The following C3orf52 variants were observed in gnomAD, a reference collection of about 807,000 sequenced individuals.
The protein encoded by C3orf52 is TPA-induced transmembrane protein.
A neutral mutation model predicts 24.8 loss-of-function variants in C3orf52; 22 were observed. The ratio of observed to expected loss-of-function variants is 0.89; its 90% CI spans 0.63 to 1.27. C3orf52 has a LOEUF of 1.27. Among genes scored for constraint, C3orf52 ranks in the 50% most tolerant of loss-of-function variants. C3orf52 has a pLI of 0.00. For synonymous variants in C3orf52, 93 were observed against 100.2 expected (o/e 0.93, Z 0.43); for missense variants, 265 against 260.7 (o/e 1.02, Z -0.11).
At chr3:112,108,123 A>G (rs910857839) in intron 3 of C3orf52, among the ~76,000 whole-genome samples, 3 of 152,234 alleles carry the variant, frequency 2.0e-5, no homozygotes, top group African/African-American at 7.2e-5. Flanking sequence ...ATCAACAACT[A>G]GTATCCAGAA....
At chr3:112,133,290 G>A (rs1240564644), downstream of C3orf52, 1 of 697,210 alleles carries the variant, frequency 1.4e-6, no homozygotes, top group Non-Finnish European at 2.5e-6. Context: ...AAGAGGCTGG[G>A]GGAGGAGTGT....
intron 1 of C3orf52, among the ~76,000 whole-genome samples, chr3:112,088,721 T>C (rs1490820843): frequency 3.9e-5 from 6 of 152,238 alleles, no homozygotes; most frequent in African/African-American, 1.4e-4. Context: ...ATGTTATATA[T>C]AATTTATACT....
chr3:112,127,712 G>A (rs930555873), intron 4 of C3orf52, among the ~76,000 whole-genome samples: 2 of 152,200 alleles, frequency 1.3e-5, no homozygotes, highest in African/African-American at 2.4e-5. Context: ...ATAGAAATGT[G>A]TGCTTCGGAA....
At chr3:112,118,723 G>GA (rs2074161883), downstream of C3orf52, among the ~76,000 whole-genome samples, 1 of 152,138 alleles carries the variant, frequency 6.6e-6, no homozygotes, top group Non-Finnish European at 1.5e-5. Context: ...AAATCTACTG[G>GA]TCATCACACA....
intron 2 of C3orf52, among the ~76,000 whole-genome samples, chr3:112,102,100 C>T (rs536723670): frequency 8.0e-5 from 12 of 150,772 alleles, no homozygotes; most frequent in Non-Finnish European, 1.5e-4. Flanking sequence ...CATACCTGTC[C>T]TGTGAGACAT....
chr3:112,116,764 C>T lies in C3orf52; in HGVS notation c.*118C>T. ...GATTAATACAGAAGCACCAGCAACA[C>T]CAGAGGGGTGGAGACTCCTTTCTCT... is the stretch of plus-strand genomic sequence containing the variant. On this transcript the variant is annotated 3_prime_UTR_variant, in exon 6 of 6. Coordinates refer to ENST00000264848, the MANE Select transcript of C3orf52 (RefSeq NM_024616.3). 2 of 1,548,226 alleles carry T rather than the reference C, an allele frequency of 1.3e-6. No homozygotes were observed. Among genetic ancestry groups the T allele is most frequent in the Non-Finnish European group, 1.7e-6 (2 of 1,147,166 alleles).
downstream of C3orf52, among the ~76,000 whole-genome samples, chr3:112,119,124 T>C (rs2074165668): frequency 6.6e-6 from 1 of 152,148 alleles, no homozygotes; most frequent in Admixed American, 6.5e-5. Flanking sequence ...GGCTCAAGCC[T>C]GTAATCCCAG....
chr3:112,125,351 A>T (rs1240286586), intron 4 of C3orf52: 1 of 836,820 alleles, frequency 1.2e-6, no homozygotes, highest in Non-Finnish European at 2.0e-6. Context: ...AAAAGCCAAG[A>T]AACAGCTGGG....
chr3:112,116,650 G>A lies in C3orf52; in HGVS notation c.*4G>A. 4 of 1,585,936 alleles carry A rather than the reference G, an allele frequency of 2.5e-6. No homozygotes were observed. The highest frequency in any genetic ancestry group is 3.4e-6 in the Non-Finnish European group (4 of 1,163,196). On this transcript the variant is annotated 3_prime_UTR_variant, in exon 6 of 6. Coordinates refer to ENST00000264848, the MANE Select transcript of C3orf52 (RefSeq NM_024616.3). ...CTGTGTTTTCTTTTTAGAATGAAGTGATGGAGGCTGGTCTCTGTCTGAAAG... is the reference window on the plus strand; with the variant it reads ...CTGTGTTTTCTTTTTAGAATGAAGTAATGGAGGCTGGTCTCTGTCTGAAAG...
At chr3:112,109,737 A>G (rs945537933) in intron 4 of C3orf52, 124 bp downstream of exon 4, 9 of 607,850 alleles carry the variant, frequency 1.5e-5, no homozygotes, top group Admixed American at 1.1e-4. Flanking sequence ...CCTGTAATAG[A>G]ATCACAGAAT....
intron 4 of C3orf52, chr3:112,111,924 T>A (rs1332766279): frequency 6.6e-6 from 1 of 152,206 alleles, no homozygotes; most frequent in African/African-American, 2.4e-5. Context: ...TAGTAGAGTT[T>A]ATAAGCTCAA....
intron 2 of C3orf52, among the ~76,000 whole-genome samples, chr3:112,101,965 C>T (rs1476139840): frequency 6.6e-6 from 1 of 152,108 alleles, no homozygotes; most frequent in African/African-American, 2.4e-5. Flanking sequence ...ACTTAAAAAT[C>T]AATTAGATGG....
downstream of C3orf52, chr3:112,119,566 C>T: frequency 1.4e-6 from 1 of 702,234 alleles, no homozygotes; most frequent in Non-Finnish European, 2.6e-6. Flanking sequence ...GGATGAGGTA[C>T]ATATTCTCTC....
At chr3:112,133,429 G>T (rs1490225136), downstream of C3orf52, 1 of 341,608 alleles carries the variant, frequency 2.9e-6, no homozygotes, top group Non-Finnish European at 5.4e-6. Flanking sequence ...TGAAATTACA[G>T]ATGGGCCATG....
chr3:112,100,659 T>C (rs1004308508), intron 2 of C3orf52, among the ~76,000 whole-genome samples: 1 of 152,220 alleles, frequency 6.6e-6, no homozygotes, highest in Admixed American at 6.5e-5. Flanking sequence ...GGCATTGATA[T>C]CTATTATGGA....
In C3orf52 at chr3:112,116,712, A is replaced by G; in HGVS notation, c.*66A>G. On this transcript the variant is annotated 3_prime_UTR_variant, in exon 6 of 6. Transcript: ENST00000264848. Reference sequence around the variant, plus strand: ...CAAGTCCTGGAGATGAAGGGAATTCACTCTGTTTTGCAGAAAAGATTCTGT... The same window carrying G: ...CAAGTCCTGGAGATGAAGGGAATTCGCTCTGTTTTGCAGAAAAGATTCTGT... 6.4e-7 allele frequency: 1 copy of G among 1,570,608 alleles called. No individual in the cohort carries two copies. Among genetic ancestry groups the G allele is most frequent in the South Asian group, 1.2e-5 (1 of 85,334 alleles).
downstream of C3orf52, among the ~76,000 whole-genome samples, chr3:112,118,419 C>T (rs2074158237): frequency 6.6e-6 from 1 of 152,228 alleles, no homozygotes; most frequent in Admixed American, 6.5e-5. Flanking sequence ...TCCTCTTTCT[C>T]TGAGGCCCTC....
intron 2 of C3orf52, among the ~76,000 whole-genome samples, chr3:112,101,967 A>G (rs1244486694): frequency 6.6e-6 from 1 of 152,172 alleles, no homozygotes; most frequent in African/African-American, 2.4e-5. Context: ...TTAAAAATCA[A>G]TTAGATGGCA....
chr3:112,091,470 A>C (rs918628314), intron 1 of C3orf52, among the ~76,000 whole-genome samples: 1 of 152,038 alleles, frequency 6.6e-6, no homozygotes, highest in African/African-American at 2.4e-5. Context: ...CAAAGGGGAG[A>C]TTTGACCTAA....
Sources: allele counts gnomAD v4.1 joint callset (sites outside exome capture counted in the v4.1 genomes callset), GRCh38; gene constraint gnomAD v4.1.1; transcripts MANE v1.5; gene names NCBI Gene and HGNC (gene_info 2026-07-23, HGNC 2026-07-21).